CNTNAP2: variants seen among roughly 807,000 people sequenced by gnomAD.
The protein encoded by CNTNAP2 is contactin-associated protein-like 2.
A neutral mutation model predicts 155.2 loss-of-function variants in CNTNAP2; 98 were observed. That is an observed-to-expected ratio of 0.63 (90% CI 0.54 to 0.75). The LOEUF (loss-of-function observed/expected upper bound fraction) is 0.75, where lower values mean the gene tolerates loss of function less well. Ranked by LOEUF, CNTNAP2 falls within the 30% of genes least tolerant of loss-of-function variation. The probability of loss-of-function intolerance (pLI) is 0.00; values close to 1 mark genes in which losing one functional copy is unlikely to be tolerated. For missense variants in CNTNAP2, 1,727 were observed against 1,688.1 expected, an observed-to-expected ratio of 1.02 and a Z score of -0.40; for synonymous variants, 651 against 631.2, an observed-to-expected ratio of 1.03 and a Z score of -0.47.
At chr7:146,947,527 ATGTGTGTGTGTGTG>A (rs1211183431) in intron 3 of CNTNAP2, among the ~76,000 whole-genome samples, 10 of 124,766 alleles carry the variant, frequency 8.0e-5, no homozygotes, top group South Asian at 2.5e-4. Context: ...GTGTGTATGT[ATGTGTGTGTGTGTG>A]TATGTGTGTG....
intron 9 of CNTNAP2, among the ~76,000 whole-genome samples, chr7:147,375,798 C>T (rs544811826): frequency 4.6e-5 from 7 of 152,124 alleles, no homozygotes; most frequent in Non-Finnish European, 8.8e-5. Context: ...ATTTCGTTGA[C>T]GTTTCAGCCT....
chr7:146,860,566 T>G (rs968769846), intron 3 of CNTNAP2, among the ~76,000 whole-genome samples: 1 of 152,126 alleles, frequency 6.6e-6, no homozygotes. Flanking sequence ...CATATTTATC[T>G]GAAAGAAAAA....
intron 9 of CNTNAP2, among the ~76,000 whole-genome samples, chr7:147,383,580 T>A (rs780923723): frequency 2.5e-4 from 38 of 151,566 alleles, no homozygotes; most frequent in Non-Finnish European, 3.5e-4. Flanking sequence ...TGAGAACACA[T>A]GGACACAGGG....
At chr7:148,355,166 CTTTTTTTTTTTTTTT>C (rs1167992306) in intron 21 of CNTNAP2, among the ~76,000 whole-genome samples, 417 of 41,024 alleles carry the variant, frequency 0.01, 6 homozygotes, top group Middle Eastern at 0.033. Context: ...CCGCCAGCTG[CTTTTTTTTTTTTTTT>C]TTTTTTTTTT....
At chr7:147,322,506 T>C (rs773007315) in intron 9 of CNTNAP2, among the ~76,000 whole-genome samples, 4 of 152,054 alleles carry the variant, frequency 2.6e-5, no homozygotes, top group Non-Finnish European at 5.9e-5. Flanking sequence ...TTTGCATCAG[T>C]GTTCATCAAG....
intron 1 of CNTNAP2, among the ~76,000 whole-genome samples, chr7:146,129,960 A>G (rs1288286091): frequency 6.6e-6 from 1 of 152,222 alleles, no homozygotes; most frequent in African/African-American, 2.4e-5. Context: ...CCAAGCAAAC[A>G]GCAGGAAAAG....
At chr7:148,270,645 G>A (rs1011973547) in intron 21 of CNTNAP2, among the ~76,000 whole-genome samples, 4 of 152,210 alleles carry the variant, frequency 2.6e-5, no homozygotes, top group Non-Finnish European at 5.9e-5. Flanking sequence ...TATACTGCAG[G>A]GTGAAAGGGT....
chr7:146,183,434 G>T (rs1370733146), intron 1 of CNTNAP2, among the ~76,000 whole-genome samples: 1 of 151,822 alleles, frequency 6.6e-6, no homozygotes, highest in Admixed American at 6.6e-5. Flanking sequence ...TCAAGCCTTT[G>T]GTAATGAGTT....
chr7:148,056,513 A>T (rs1448954919), intron 15 of CNTNAP2: 1 of 152,208 alleles, frequency 6.6e-6, no homozygotes, highest in Non-Finnish European at 1.5e-5. Flanking sequence ...CAAGAGGAGG[A>T]CATTCTCTGA....
chr7:148,205,895 CATGA>C (rs1795441217), intron 18 of CNTNAP2, among the ~76,000 whole-genome samples: 1 of 152,146 alleles, frequency 6.6e-6, no homozygotes, highest in Non-Finnish European at 1.5e-5. Context: ...AAGCCTGGTG[CATGA>C]ATAAGGCATT....
At chr7:146,176,443 T>C (rs946764796) in intron 1 of CNTNAP2, among the ~76,000 whole-genome samples, 2 of 152,238 alleles carry the variant, frequency 1.3e-5, no homozygotes, top group Non-Finnish European at 2.9e-5. Flanking sequence ...GAAGTGATTT[T>C]GGCTCTCATT....
intron 2 of CNTNAP2, among the ~76,000 whole-genome samples, chr7:146,827,434 A>G (rs1465184103): frequency 6.6e-6 from 1 of 151,714 alleles, no homozygotes; most frequent in Admixed American, 6.6e-5. Context: ...TGTAGTCTAT[A>G]TACTTACTTT....
intron 11 of CNTNAP2, among the ~76,000 whole-genome samples, chr7:147,559,348 C>T (rs1800015494): frequency 6.6e-6 from 1 of 152,180 alleles, no homozygotes; most frequent in Non-Finnish European, 1.5e-5. Context: ...CAAGAAAGAC[C>T]TGTTAGGATA....
intron 21 of CNTNAP2, among the ~76,000 whole-genome samples, chr7:148,311,159 G>A (rs1043248837): frequency 3.3e-5 from 5 of 152,060 alleles, no homozygotes; most frequent in African/African-American, 1.2e-4. Flanking sequence ...GTGGCAGCTT[G>A]CTGATGTGAA....
intron 2 of CNTNAP2, among the ~76,000 whole-genome samples, chr7:146,827,820 T>C (rs1299770520): frequency 6.6e-6 from 1 of 152,034 alleles, no homozygotes; most frequent in East Asian, 1.9e-4. Context: ...AGGGAATACA[T>C]ACAACATGAA....
At chr7:146,898,496 C>T (rs1167695058) in intron 3 of CNTNAP2, among the ~76,000 whole-genome samples, 2 of 148,330 alleles carry the variant, frequency 1.3e-5, no homozygotes, top group Non-Finnish European at 3.0e-5. Flanking sequence ...TTTAAAAAAA[C>T]AATAATAATA....
At chr7:146,326,997 T>C (rs958076194) in intron 1 of CNTNAP2, among the ~76,000 whole-genome samples, 1 of 152,170 alleles carries the variant, frequency 6.6e-6, no homozygotes, top group Admixed American at 6.5e-5. Flanking sequence ...AAAATGGAAC[T>C]ATTGCCCTGT....
At position 147,128,726 on chromosome 7, in the gene CNTNAP2, C is replaced by G; in HGVS notation, c.973C>G (p.Pro325Ala). ...TFGGIPFSGK[P>A]SSSSRKNFKG... Reference sequence around the variant, plus strand: ...TGGAGGCATCCCTTTCTCTGGCAAGCCCAGCTCCAGCAGTAGAAAGAATTT... The same window carrying G: ...TGGAGGCATCCCTTTCTCTGGCAAGGCCAGCTCCAGCAGTAGAAAGAATTT... The change falls in exon 7 of 24, where the codon CCC (proline) becomes GCC (alanine). Residue 325 changes from proline (P) to alanine (A), a missense_variant. Physicochemically the swap from Pro to Ala is conservative, Grantham distance 27. Coordinates refer to ENST00000361727, the MANE Select transcript of CNTNAP2 (RefSeq NM_014141.6). The G allele has an allele frequency of 6.2e-7, 1 of 1,613,980 alleles. No individual in the cohort carries two copies. Among genetic ancestry groups the G allele is most frequent in the Non-Finnish European group, 8.5e-7 (1 of 1,179,944 alleles).
chr7:146,400,440 C>T (rs1000053959), intron 1 of CNTNAP2, among the ~76,000 whole-genome samples: 2 of 152,138 alleles, frequency 1.3e-5, no homozygotes, highest in African/African-American at 4.8e-5. Flanking sequence ...CATGGATAGT[C>T]ATCACATTCA....
Sources: gnomAD v4.1 joint callset for allele counts (sites outside exome capture counted in the v4.1 genomes callset) on GRCh38, gnomAD v4.1.1 for gene constraint, MANE v1.5 for transcripts, NCBI Gene and HGNC (gene_info 2026-07-23, HGNC 2026-07-21) for gene names.